INSYN2B: variants seen among roughly 807,000 people sequenced by gnomAD.
INSYN2B encodes the protein protein INSYN2B.
INSYN2B carries 16 observed loss-of-function variants against 41.2 expected under a neutral mutation model. The observed-to-expected ratio is 0.39, with a 90% confidence interval of 0.26 to 0.59. The LOEUF (loss-of-function observed/expected upper bound fraction) is 0.59, where lower values mean the gene tolerates loss of function less well. Ranked by LOEUF, INSYN2B falls within the 20% of genes least tolerant of loss-of-function variation. The pLI is 0.57. For missense variants in INSYN2B, 608 were observed against 646.4 expected (o/e 0.94, Z 0.64); for synonymous variants, 245 against 244.4 (o/e 1.00, Z -0.02).
chr5:169,935,787 A>G (rs952156578), intron 1 of INSYN2B, among the ~76,000 whole-genome samples: 1 of 152,234 alleles, frequency 6.6e-6, no homozygotes, highest in African/African-American at 2.4e-5. Flanking sequence ...CGCGTTGTGT[A>G]AAAATATAAA....
At chr5:169,936,578 C>CTTT (rs4041977) in intron 1 of INSYN2B, among the ~76,000 whole-genome samples, 1,326 of 122,790 alleles carry the variant, frequency 0.011, 43 homozygotes, top group East Asian at 0.11. Flanking sequence ...TCTCAGACTC[C>CTTT]TTTTTTTTTT....
intron 1 of INSYN2B, among the ~76,000 whole-genome samples, chr5:169,963,424 G>A (rs1351637771): frequency 6.6e-6 from 1 of 152,058 alleles, no homozygotes; most frequent in Non-Finnish European, 1.5e-5. Flanking sequence ...AAGTCCCTGG[G>A]GACCTATGCT....
chr5:169,959,298 C>A (rs1266735049), intron 1 of INSYN2B, among the ~76,000 whole-genome samples: 1 of 151,524 alleles, frequency 6.6e-6, no homozygotes, highest in Non-Finnish European at 1.5e-5. Flanking sequence ...GAGGCTGAGG[C>A]AGGAGAATCG....
In INSYN2B at chr5:169,864,200, C is replaced by A; in HGVS notation, c.*73G>T. The A allele has an allele frequency of 8.4e-6, 11 of 1,314,880 alleles. No individual in the cohort carries two copies. The highest frequency in any genetic ancestry group is 1.1e-5 in the Non-Finnish European group (10 of 933,958). The allele number at this position is 1,314,880 out of a possible 1,614,324, so 81.5% of individuals were successfully genotyped here. Reference sequence around the variant, plus strand: ...GGCCTTTGCAAAGAAGCAGGGCAGGCCTTAAGTGCAGTGGATTTCCCATCT... The same window carrying A: ...GGCCTTTGCAAAGAAGCAGGGCAGGACTTAAGTGCAGTGGATTTCCCATCT... On this transcript the variant is annotated 3_prime_UTR_variant, in exon 4 of 4. Coordinates refer to ENST00000377365, the MANE Select transcript of INSYN2B (RefSeq NM_001129891.3).
At position 169,895,612 on chromosome 5, in the gene INSYN2B, G is replaced by A. The variant is rs182482544; in HGVS notation, c.-918-10796C>T. On this transcript the variant is annotated intron_variant, in intron 1 of 3. Coordinates refer to ENST00000377365, the MANE Select transcript of INSYN2B (RefSeq NM_001129891.3). ...TTCACCCTGACTCCAGCCACTGGGG[G>A]TTCCACCTTCCCTCCACGTTACCTA... Among the ~76,000 whole-genome samples the A allele has an allele frequency of 2.3e-3, 356 of 151,926 alleles. 5 individuals carry two copies. The highest frequency in any genetic ancestry group is 6.7e-3 in the African/African-American group (279 of 41,428).
chr5:169,962,654 G>A (rs779542907), intron 1 of INSYN2B, among the ~76,000 whole-genome samples: 7 of 152,120 alleles, frequency 4.6e-5, no homozygotes, highest in Admixed American at 1.3e-4. Flanking sequence ...CTCTAGGAAC[G>A]TATTGTCTGT....
chr5:169,923,957 T>C (rs1775305588), intron 1 of INSYN2B, among the ~76,000 whole-genome samples: 1 of 152,214 alleles, frequency 6.6e-6, no homozygotes, highest in Admixed American at 6.5e-5. Flanking sequence ...AGTAGAAACA[T>C]TGCGGTTGGC....
At chr5:169,975,562 C>T (rs1009660421) in intron 1 of INSYN2B, among the ~76,000 whole-genome samples, 1 of 152,172 alleles carries the variant, frequency 6.6e-6, no homozygotes, top group Non-Finnish European at 1.5e-5. Flanking sequence ...CACTTCGGGG[C>T]CTTTGCATCT....
intron 3 of INSYN2B, among the ~76,000 whole-genome samples, chr5:169,865,511 G>A (rs935828106): frequency 5.9e-5 from 9 of 152,204 alleles, no homozygotes; most frequent in African/African-American, 1.7e-4. Context: ...ATCCCTGTGG[G>A]CTGAGCACGG....
rs770000321 is a variant in INSYN2B at position 169,980,442 on chromosome 5, A to C, written c.-1084T>G. 6.6e-6 allele frequency: 1 copy of C among 152,160 alleles called. No individual in the cohort carries two copies. Among genetic ancestry groups the C allele is most frequent in the African/African-American group, 2.4e-5 (1 of 41,438 alleles). The allele number at this position is 152,160 out of a possible 1,614,324, so 9.4% of individuals were successfully genotyped here. A position where few individuals can be genotyped will look rare whatever the true frequency, so the allele number is the denominator to read the frequency against. ...GTGTAGTGGGTCTGCTCACGTAGGAATAAATAAAAAGCCGAACAAACTGCT... is the reference window on the plus strand; with the variant it reads ...GTGTAGTGGGTCTGCTCACGTAGGACTAAATAAAAAGCCGAACAAACTGCT... On this transcript the variant is annotated 5_prime_UTR_variant, in exon 1 of 4. The change creates a premature stop within an existing upstream ORF in the 5' untranslated region. Coordinates refer to ENST00000377365, the MANE Select transcript of INSYN2B (RefSeq NM_001129891.3).
At chr5:169,906,959 G>A (rs1476845942) in intron 1 of INSYN2B, among the ~76,000 whole-genome samples, 1 of 152,154 alleles carries the variant, frequency 6.6e-6, no homozygotes, top group Non-Finnish European at 1.5e-5. Context: ...TATTTATTGA[G>A]TTCTGCTATG....
Position 169,901,185 on chromosome 5 carries a change from G to A in INSYN2B, c.-918-16369C>T, listed in dbSNP as rs1234780867. The stretch of plus-strand genomic sequence containing the variant: ...TGGGTGTGATTGAGGTGATGGGATG[G>A]GCATGAAAAGAGGGTGTCCAGGCAA... On this transcript the variant is annotated intron_variant, in intron 1 of 3. Coordinates refer to ENST00000377365, the MANE Select transcript of INSYN2B (RefSeq NM_001129891.3). 4.6e-5 allele frequency among the ~76,000 whole-genome samples: 7 copies of A among 152,092 alleles called. No homozygotes were observed. In the South Asian group the frequency reaches 1.0e-3, roughly 23 times the overall value.
chr5:169,966,261 G>T (rs562167660), intron 1 of INSYN2B, among the ~76,000 whole-genome samples: 1 of 151,976 alleles, frequency 6.6e-6, no homozygotes. Context: ...AGATAAAATG[G>T]GCTGCAAATG....
chr5:169,924,230 A>G (rs2113660275), intron 1 of INSYN2B, among the ~76,000 whole-genome samples: 1 of 152,320 alleles, frequency 6.6e-6, no homozygotes, highest in South Asian at 2.1e-4. Flanking sequence ...AGCCACACAC[A>G]CTAGCTCTGG....
intron 1 of INSYN2B, among the ~76,000 whole-genome samples, chr5:169,923,591 T>C (rs989848788): frequency 1.3e-5 from 2 of 152,186 alleles, no homozygotes; most frequent in Admixed American, 6.5e-5. Flanking sequence ...TATTGTGACC[T>C]TGGGCACGTC....
At chr5:169,966,238 T>A (rs79560464) in intron 1 of INSYN2B, among the ~76,000 whole-genome samples, 2,740 of 152,226 alleles carry the variant, frequency 0.018, 78 homozygotes, top group African/African-American at 0.06. Flanking sequence ...ATTGGTTGGT[T>A]GCTTCATAAC....
intron 1 of INSYN2B, chr5:169,934,802 T>G (rs1185070987): frequency 2.3e-6 from 1 of 443,282 alleles, no homozygotes; most frequent in Non-Finnish European, 4.6e-6. Flanking sequence ...TTCATTATTA[T>G]CTGTATGATA....
intron 1 of INSYN2B, among the ~76,000 whole-genome samples, chr5:169,962,111 G>A (rs1356629808): frequency 6.6e-6 from 1 of 152,132 alleles, no homozygotes; most frequent in East Asian, 1.9e-4. Flanking sequence ...AGGGCTTCAC[G>A]CTTTATTGTG....
At position 169,863,926 on chromosome 5, in the gene INSYN2B, G is replaced by A. The variant is rs1267767366; in HGVS notation, c.*347C>T. 6.6e-6 allele frequency among the ~76,000 whole-genome samples: 1 copy of A among 152,166 alleles called. No individual in the cohort carries two copies. The highest frequency in any genetic ancestry group is 1.5e-5 in the Non-Finnish European group (1 of 68,040). ...TATGAACCCAGGATGGGAAGGAAGT[G>A]CTTGGCATCTTGGAGGTGTTGGAAG... is the stretch of plus-strand genomic sequence containing the variant. On this transcript the variant is annotated 3_prime_UTR_variant, in exon 4 of 4. Coordinates refer to ENST00000377365, the MANE Select transcript of INSYN2B (RefSeq NM_001129891.3).
Sources: allele counts gnomAD v4.1 joint callset (sites outside exome capture counted in the v4.1 genomes callset), GRCh38; gene constraint gnomAD v4.1.1; transcripts MANE v1.5; gene names NCBI Gene and HGNC (gene_info 2026-07-23, HGNC 2026-07-21).